PAFAH1B1: variants seen among roughly 807,000 people sequenced by gnomAD.
The protein encoded by PAFAH1B1 is platelet activating factor acetylhydrolase 1b regulatory subunit 1, also known as platelet-activating factor acetylhydrolase IB subunit beta.
Under a neutral mutation model 57.5 loss-of-function variants are expected in PAFAH1B1, and 2 were observed. The ratio of observed to expected loss-of-function variants is 0.03; its 90% CI spans 0.01 to 0.11. PAFAH1B1 has a LOEUF of 0.11. Ranked by LOEUF, PAFAH1B1 falls within the 10% of genes least tolerant of loss-of-function variation. PAFAH1B1 has a pLI of 1.00. For missense variants in PAFAH1B1, 257 were observed against 512.0 expected (o/e 0.50, Z 4.81); for synonymous variants, 152 against 169.6 (o/e 0.90, Z 0.81).
intron 9 of PAFAH1B1, among the ~76,000 whole-genome samples, chr17:2,678,928 A>G (rs970726841): frequency 5.9e-5 from 9 of 152,220 alleles, no homozygotes; most frequent in African/African-American, 2.2e-4. Context: ...TAACTGCACT[A>G]TCCAGCGTGG....
rs1274396929 is a variant in PAFAH1B1, at chr17:2,660,784, G to A, written c.33-4588G>A. 5.3e-5 allele frequency among the ~76,000 whole-genome samples: 8 copies of A among 152,248 alleles called. No homozygotes were observed. The East Asian group carries it at 1.5e-3, about 29-fold the overall frequency. ...ATATACCCAGTAATGGGATTGCTGG[G>A]TCAAATGGTATTTCTGCTTCTAGAT... On this transcript the variant is annotated intron_variant, in intron 2 of 10. Transcript: ENST00000397195.
chr17:2,658,750 C>T (rs1247174468), intron 2 of PAFAH1B1, among the ~76,000 whole-genome samples: 1 of 152,106 alleles, frequency 6.6e-6, no homozygotes, highest in African/African-American at 2.4e-5. Flanking sequence ...TTGTACTTGT[C>T]CTAAGACTGG....
intron 2 of PAFAH1B1, among the ~76,000 whole-genome samples, chr17:2,654,053 C>T (rs969881443): frequency 1.1e-4 from 17 of 151,776 alleles, no homozygotes; most frequent in South Asian, 4.2e-4. Flanking sequence ...GTGATACACC[C>T]GCCTCGGCCT....
chr17:2,596,757 G>T (rs1181072753), intron 1 of PAFAH1B1, among the ~76,000 whole-genome samples: 2 of 152,094 alleles, frequency 1.3e-5, no homozygotes, highest in Non-Finnish European at 2.9e-5. Flanking sequence ...ACTGTTTGTA[G>T]AATATCAAAG....
chr17:2,642,313 T>C (rs556602519), intron 2 of PAFAH1B1: 1 of 152,342 alleles, frequency 6.6e-6, no homozygotes, highest in South Asian at 2.1e-4. Flanking sequence ...AACATGACAC[T>C]ACAAGTGGAC....
chr17:2,655,363 A>G (rs565538355), intron 2 of PAFAH1B1, among the ~76,000 whole-genome samples: 2 of 152,164 alleles, frequency 1.3e-5, no homozygotes, highest in South Asian at 4.2e-4. Context: ...ATTCTAGAGA[A>G]TTGTATTAGA....
chr17:2,620,381 T>C (rs775958973), intron 1 of PAFAH1B1, among the ~76,000 whole-genome samples: 1 of 152,238 alleles, frequency 6.6e-6, no homozygotes, highest in Non-Finnish European at 1.5e-5. Flanking sequence ...TGTTGTAACT[T>C]AACTCAGTAT....
intron 2 of PAFAH1B1, among the ~76,000 whole-genome samples, chr17:2,662,378 T>TG (rs2069027889): frequency 4.0e-5 from 5 of 123,782 alleles, no homozygotes; most frequent in Admixed American, 8.6e-5. Flanking sequence ...TTTAACCTCT[T>TG]TGTGTGTGTG....
In PAFAH1B1 at chr17:2,681,854, GAT is replaced by G. The variant is rs1180522597; in HGVS notation, c.*54_*55del. ...TCTTTTCCTCTGGATGCACTCTGAT[GAT>G]ACCATGGTTACCCCATTGAGCTCTG... is the stretch of plus-strand genomic sequence containing the variant. On this transcript the variant is annotated 3_prime_UTR_variant, in exon 11 of 11. Coordinates refer to ENST00000397195, the MANE Select transcript of PAFAH1B1 (RefSeq NM_000430.4). The G allele has an allele frequency of 1.5e-6, 2 of 1,299,116 alleles. No individual in the cohort carries two copies. Among genetic ancestry groups the G allele is most frequent in the Admixed American group, 3.6e-5 (2 of 56,266 alleles). 80.5% of individuals were successfully genotyped at this position (1,299,116 alleles called of 1,614,324 possible). A position where few individuals can be genotyped will look rare whatever the true frequency, so the allele number is the denominator to read the frequency against.
chr17:2,609,945 C>T (rs2068248409), intron 1 of PAFAH1B1, among the ~76,000 whole-genome samples: 1 of 152,234 alleles, frequency 6.6e-6, no homozygotes, highest in African/African-American at 2.4e-5. Flanking sequence ...GTGCCTCAGC[C>T]TCCCAAGTCG....
rs2068421993 is a variant in PAFAH1B1, at chr17:2,621,605, G to GTTTTTTTTTTTTTTT, written c.-190-16493_-190-16492insTTTTTTTTTTTTTTT. On this transcript the variant is annotated intron_variant, in intron 1 of 10. Transcript: ENST00000397195. Reference sequence around the variant, plus strand: ...GCTATTCAAGCATGGTAGATAATCTGTCTTTTTTTTTTTTTTTTTTTTTTT... The same window carrying GTTTTTTTTTTTTTTT: ...GCTATTCAAGCATGGTAGATAATCTGTTTTTTTTTTTTTTTTCTTTTTTTTTTTTTTTTTTTTTTT... Among the ~76,000 whole-genome samples the GTTTTTTTTTTTTTTT allele has an allele frequency of 2.7e-4, 25 of 93,208 alleles. 6 individuals carry two copies. The highest frequency in any genetic ancestry group is 3.4e-4 in the Non-Finnish European group (17 of 49,582). The allele number at this position is 93,208 out of a possible 152,430, so 61.1% of individuals were successfully genotyped here.
At chr17:2,665,939 A>C (rs1242269317) in intron 3 of PAFAH1B1, 77 bp from the exon 4 acceptor site, 28 of 1,298,044 alleles carry the variant, frequency 2.2e-5, no homozygotes, top group Non-Finnish European at 2.8e-5. Flanking sequence ...TAATATTTGG[A>C]CTTAAAGATG....
intron 5 of PAFAH1B1, chr17:2,667,414 A>G: frequency 2.0e-6 from 1 of 497,448 alleles, no homozygotes; most frequent in South Asian, 2.1e-5. Context: ...GACAGGAGGT[A>G]CTCTGAAACG....
chr17:2,650,596 C>T (rs186158731), intron 2 of PAFAH1B1, among the ~76,000 whole-genome samples: 52 of 138,934 alleles, frequency 3.7e-4, no homozygotes, highest in South Asian at 2.3e-3. Context: ...GGAGGTCTTG[C>T]GCCACTGCAC....
At chr17:2,619,405 A>AT (rs1486347064) in intron 1 of PAFAH1B1, among the ~76,000 whole-genome samples, 1 of 151,894 alleles carries the variant, frequency 6.6e-6, no homozygotes, top group Non-Finnish European at 1.5e-5. Flanking sequence ...ATTAAAAAAA[A>AT]TTTTTTTGGT....
chr17:2,605,733 A>G (rs528800452), intron 1 of PAFAH1B1, among the ~76,000 whole-genome samples: 1 of 152,308 alleles, frequency 6.6e-6, no homozygotes, highest in Admixed American at 6.5e-5. Flanking sequence ...TAATCTTATA[A>G]TAAGTACCTA....
At chr17:2,664,055 C>A (rs1027040458) in intron 2 of PAFAH1B1, among the ~76,000 whole-genome samples, 6 of 152,166 alleles carry the variant, frequency 3.9e-5, no homozygotes, top group Admixed American at 3.9e-4. Flanking sequence ...GCTGGGATTA[C>A]AGACGTGAGC....
chr17:2,675,963 C>T (rs2069258739), intron 8 of PAFAH1B1, among the ~76,000 whole-genome samples: 1 of 152,164 alleles, frequency 6.6e-6, no homozygotes, highest in South Asian at 2.1e-4. Flanking sequence ...AATTTATTAT[C>T]TGTTGGTTTT....
At chr17:2,621,982 A>G (rs1371651089) in intron 1 of PAFAH1B1, among the ~76,000 whole-genome samples, 6 of 152,182 alleles carry the variant, frequency 3.9e-5, no homozygotes, top group Non-Finnish European at 8.8e-5. Flanking sequence ...AAAATGAGGA[A>G]GAAGCAAAAC....
Sources: allele counts gnomAD v4.1 joint callset (sites outside exome capture counted in the v4.1 genomes callset), GRCh38; gene constraint gnomAD v4.1.1; transcripts MANE v1.5; gene names NCBI Gene and HGNC (gene_info 2026-07-23, HGNC 2026-07-21).